DNM3: variants seen among roughly 807,000 people sequenced by gnomAD.
The protein encoded by DNM3 is dynamin 3.
Under a neutral mutation model 101.6 loss-of-function variants are expected in DNM3, and 47 were observed. The ratio of observed to expected loss-of-function variants is 0.46; its 90% CI spans 0.37 to 0.59. The LOEUF (loss-of-function observed/expected upper bound fraction) is 0.59. Ranked by LOEUF, DNM3 falls within the 20% of genes least tolerant of loss-of-function variation. The pLI, the probability that DNM3 is intolerant of heterozygous loss-of-function variation, is 0.00. For synonymous variants in DNM3, 385 were observed against 387.9 expected, an observed-to-expected ratio of 0.99 and a Z score of 0.09; for missense variants, 849 against 1,085.7, an observed-to-expected ratio of 0.78 and a Z score of 3.06.
chr1:172,198,322 ATTTTG>A (rs1173621094), intron 14 of DNM3, among the ~76,000 whole-genome samples: 1 of 152,100 alleles, frequency 6.6e-6, no homozygotes, highest in Non-Finnish European at 1.5e-5. Flanking sequence ...GTTTGCAAGT[ATTTTG>A]TTTGAATTAT....
intron 3 of DNM3, among the ~76,000 whole-genome samples, chr1:171,988,201 C>CT (rs760536741): frequency 7.9e-5 from 12 of 152,108 alleles, no homozygotes; most frequent in Non-Finnish European, 1.5e-4. Context: ...GAAATCAGCT[C>CT]TGACTTTTTC....
intron 14 of DNM3, among the ~76,000 whole-genome samples, chr1:172,230,629 T>C (rs761485817): frequency 6.6e-6 from 1 of 152,202 alleles, no homozygotes; most frequent in Non-Finnish European, 1.5e-5. Context: ...ACCGTTTCTT[T>C]TTTTATTACA....
At chr1:172,300,025 T>A (rs2064360500) in intron 15 of DNM3, among the ~76,000 whole-genome samples, 1 of 152,204 alleles carries the variant, frequency 6.6e-6, no homozygotes, top group South Asian at 2.1e-4. Context: ...TGTTCACCTT[T>A]CTCCTCAGCC....
chr1:171,935,834 A>G (rs1367798909), intron 2 of DNM3, among the ~76,000 whole-genome samples: 1 of 126,852 alleles, frequency 7.9e-6, no homozygotes, highest in East Asian at 2.3e-4. Flanking sequence ...TTACCAGGAC[A>G]CCACTAATTC....
At chr1:171,955,256 A>G (rs536083742) in intron 2 of DNM3, among the ~76,000 whole-genome samples, 1 of 152,256 alleles carries the variant, frequency 6.6e-6, no homozygotes, top group Non-Finnish European at 1.5e-5. Context: ...GCTATGCACC[A>G]CTGTACTTTA....
chr1:172,232,566 C>A (rs1573047830), intron 14 of DNM3, among the ~76,000 whole-genome samples: 1 of 152,180 alleles, frequency 6.6e-6, no homozygotes, highest in Admixed American at 6.5e-5. Context: ...ACTCTCCACC[C>A]CAAATCAACA....
chr1:172,008,596 TG>T (rs2046857126), intron 4 of DNM3, among the ~76,000 whole-genome samples: 1 of 150,606 alleles, frequency 6.6e-6, no homozygotes, highest in Non-Finnish European at 1.5e-5. Flanking sequence ...TTTTTTTTTT[TG>T]TATATGGTGT....
intron 4 of DNM3, among the ~76,000 whole-genome samples, chr1:172,019,894 A>C (rs78494557): frequency 0.01 from 1,543 of 150,190 alleles, 27 homozygotes; most frequent in African/African-American, 0.034. Context: ...ATCTACTAGA[A>C]CTCTTAGGAT....
At chr1:172,172,454 G>A (rs923594519) in intron 14 of DNM3, among the ~76,000 whole-genome samples, 7 of 151,588 alleles carry the variant, frequency 4.6e-5, no homozygotes, top group South Asian at 2.1e-4. Context: ...TATCCCAGGT[G>A]GGATGATGGG....
intron 14 of DNM3, among the ~76,000 whole-genome samples, chr1:172,229,028 A>C (rs1466754074): frequency 1.3e-5 from 2 of 152,194 alleles, no homozygotes; most frequent in Admixed American, 6.5e-5. Flanking sequence ...TCTAAATAAC[A>C]TCTTATCTAT....
chr1:172,269,972 A>C lies in DNM3; in HGVS notation c.1769+16290A>C, dbSNP rs537020305. ...TTGGCCGTCTTAGAGGCCTCCCAAG[A>C]ACAAAAATAAAGGAAACTAAGGGCA... On this transcript the variant is annotated intron_variant, in intron 15 of 20. Coordinates refer to ENST00000627582, the MANE Select transcript of DNM3 (RefSeq NM_015569.5). Among the ~76,000 whole-genome samples the C allele has an allele frequency of 1.4e-4, 21 of 152,288 alleles. No individual in the cohort carries two copies. In the South Asian group the frequency reaches 4.3e-3, roughly 32 times the overall value.
chr1:172,089,217 A>G (rs10797747), intron 12 of DNM3, among the ~76,000 whole-genome samples: 52 of 152,166 alleles, frequency 3.4e-4, no homozygotes, highest in Non-Finnish European at 5.7e-4. Flanking sequence ...TGTTTTGTGT[A>G]TGCATATCAT....
Position 172,409,239 on chromosome 1 carries a change from A to G in DNM3, c.*1398A>G, listed in dbSNP as rs1573788312. On this transcript the variant is annotated 3_prime_UTR_variant, in exon 21 of 21. Transcript: ENST00000627582. Reference sequence around the variant, plus strand: ...TAGGGGTGTCCCATGACACTATTTCATATTCTACAGAAGTAAATCAGGTTT... The same window carrying G: ...TAGGGGTGTCCCATGACACTATTTCGTATTCTACAGAAGTAAATCAGGTTT... 6.1e-6 allele frequency: 6 copies of G among 985,384 alleles called. No individual in the cohort carries two copies. Among genetic ancestry groups the G allele is most frequent in the South Asian group, 4.7e-5 (1 of 21,290 alleles). 61.0% of individuals were successfully genotyped at this position (985,384 alleles called of 1,614,324 possible).
intron 17 of DNM3, among the ~76,000 whole-genome samples, chr1:172,335,918 G>A (rs977931519): frequency 6.6e-6 from 1 of 151,958 alleles, no homozygotes; most frequent in African/African-American, 2.4e-5. Flanking sequence ...TAACAAACCT[G>A]CACGTTTACC....
intron 1 of DNM3, among the ~76,000 whole-genome samples, chr1:171,912,723 A>G (rs184002192): frequency 1.3e-5 from 2 of 152,328 alleles, no homozygotes; most frequent in East Asian, 1.9e-4. Flanking sequence ...AGTCATGTGG[A>G]CACCCCATTT....
chr1:171,954,261 C>G (rs1472247864), intron 2 of DNM3, among the ~76,000 whole-genome samples: 5 of 152,092 alleles, frequency 3.3e-5, no homozygotes, highest in African/African-American at 1.2e-4. Flanking sequence ...ATCTCTTTTG[C>G]TAAATTTGAC....
intron 14 of DNM3, among the ~76,000 whole-genome samples, chr1:172,154,798 A>G (rs1288261764): frequency 6.6e-6 from 1 of 152,094 alleles, no homozygotes; most frequent in Non-Finnish European, 1.5e-5. Flanking sequence ...CATGTGCTTC[A>G]GTTAAAATTA....
At chr1:171,853,123 T>C (rs1338141172) in intron 1 of DNM3, among the ~76,000 whole-genome samples, 1 of 152,122 alleles carries the variant, frequency 6.6e-6, no homozygotes. Context: ...GCTAATTCCA[T>C]GAAGCAGCTG....
chr1:172,296,030 C>CAAAATTATTA (rs57967331), intron 15 of DNM3, among the ~76,000 whole-genome samples: 3 of 151,854 alleles, frequency 2.0e-5, no homozygotes, highest in African/African-American at 7.3e-5. Context: ...CCTTAGCAAG[C>CAAAATTATTA]AACCATTGAT....
Sources: gnomAD v4.1 joint callset for allele counts (sites outside exome capture counted in the v4.1 genomes callset) on GRCh38, gnomAD v4.1.1 for gene constraint, MANE v1.5 for transcripts, NCBI Gene and HGNC (gene_info 2026-07-23, HGNC 2026-07-21) for gene names.